Variants in TOR1AIP1 observed in about 807,000 individuals in gnomAD.
TOR1AIP1 encodes the protein torsin 1A interacting protein 1, also known as torsin-1A-interacting protein 1.
A neutral mutation model predicts 63.3 loss-of-function variants in TOR1AIP1; 54 were observed. The ratio of observed to expected loss-of-function variants is 0.85; its 90% CI spans 0.69 to 1.07. The LOEUF is 1.07. Among genes scored for constraint, TOR1AIP1 ranks in the 50% least tolerant of loss-of-function variants. The pLI is 0.00. For missense variants in TOR1AIP1, 736 were observed against 715.0 expected, an observed-to-expected ratio of 1.03 and a Z score of -0.33; for synonymous variants, 294 against 273.5, an observed-to-expected ratio of 1.07 and a Z score of -0.74.
rs1190713344 is a variant in TOR1AIP1 at position 179,917,500 on chromosome 1, G to A, written c.1013G>A (p.Trp338Ter). ...GCATCTTTTGTCAAGAGGAACCGGTGGTGGCTACTTCCTCTGATAGCTGCT... is the reference window on the plus strand; with the variant it reads ...GCATCTTTTGTCAAGAGGAACCGGTAGTGGCTACTTCCTCTGATAGCTGCT... ...QNASFVKRNRWWLLPLIAALA... is the reference protein window; with the variant it reads ...QNASFVKRNR Residue 338 changes from tryptophan to a stop codon, truncating the protein, a stop_gained, in exon 10 of 10, where the codon TGG becomes TAG. Coordinates refer to ENST00000606911, the MANE Select transcript of TOR1AIP1 (RefSeq NM_015602.4). LOFTEE classifies it high-confidence loss of function. 1 of 1,613,612 alleles carries A rather than the reference G, an allele frequency of 6.2e-7. No homozygotes were observed. Among genetic ancestry groups the A allele is most frequent in the Non-Finnish European group, 8.5e-7 (1 of 1,179,966 alleles).
chr1:179,882,394 C>A lies in TOR1AIP1; in HGVS notation c.-109C>A. 8.4e-7 allele frequency: 1 copy of A among 1,186,610 alleles called. No individual in the cohort carries two copies. Among genetic ancestry groups the A allele is most frequent in the Non-Finnish European group, 1.1e-6 (1 of 901,692 alleles). 73.5% of individuals were successfully genotyped at this position (1,186,610 alleles called of 1,614,324 possible). On this transcript the variant is annotated 5_prime_UTR_variant, in exon 1 of 10. Transcript: ENST00000606911. Reference sequence around the variant, plus strand: ...CAGCGACTCGCAACTGCCTCCCTGACCACAGCGGCCACCGCCCAACACCCC... The same window carrying A: ...CAGCGACTCGCAACTGCCTCCCTGAACACAGCGGCCACCGCCCAACACCCC...
chr1:179,913,861 A>C (rs568326611), intron 8 of TOR1AIP1, 137 bp from the exon 9 acceptor site: 1 of 765,962 alleles, frequency 1.3e-6, no homozygotes, highest in Non-Finnish European at 2.1e-6. Context: ...CAGATATTCT[A>C]CTTTTTCTTC....
In TOR1AIP1 at chr1:179,917,810, C is replaced by T. The variant is rs548782601; in HGVS notation, c.1323C>T (p.Ala441=). ...DAYSSFRSVR[A]IRIDGTDKAT... ...ATTCTTCTTTTCGTAGTGTCCGTGCCATCCGGATTGATGGGACAGATAAAG... is the reference window on the plus strand; with the variant it reads ...ATTCTTCTTTTCGTAGTGTCCGTGCTATCCGGATTGATGGGACAGATAAAG... Residue 441 remains alanine (A), a synonymous_variant, in exon 10 of 10, where the codon GCC becomes GCT. Coordinates refer to ENST00000606911, the MANE Select transcript of TOR1AIP1 (RefSeq NM_015602.4). 46 of 1,614,160 alleles carry T rather than the reference C, an allele frequency of 2.8e-5. No homozygotes were observed. Among genetic ancestry groups the T allele is most frequent in the South Asian group, 2.4e-4 (22 of 91,078 alleles).
At chr1:179,900,899 G>A (rs757207150) in intron 4 of TOR1AIP1, among the ~76,000 whole-genome samples, 15 of 152,074 alleles carry the variant, frequency 9.9e-5, no homozygotes, top group Non-Finnish European at 1.8e-4. Context: ...GTGCAGGTGT[G>A]TGTACACTAC....
chr1:179,908,107 A>G (rs1648711840), intron 7 of TOR1AIP1, among the ~76,000 whole-genome samples: 1 of 151,494 alleles, frequency 6.6e-6, no homozygotes, highest in Non-Finnish European at 1.5e-5. Context: ...ACGGTGTTTC[A>G]CTGTGTTAGC....
chr1:179,892,935 C>T (rs977517144), intron 3 of TOR1AIP1, among the ~76,000 whole-genome samples: 1 of 151,878 alleles, frequency 6.6e-6, no homozygotes, highest in Non-Finnish European at 1.5e-5. Context: ...AAGTAATTTT[C>T]TGTGGGTTTA....
At chr1:179,900,486 C>A (rs1242173179) in intron 4 of TOR1AIP1, 1 of 175,286 alleles carries the variant, frequency 5.7e-6, no homozygotes, top group Non-Finnish European at 1.2e-5. Flanking sequence ...TCAAAACTCC[C>A]GTGCTGATCA....
chr1:179,887,016 A>C (rs1647926740), intron 2 of TOR1AIP1, among the ~76,000 whole-genome samples: 1 of 152,202 alleles, frequency 6.6e-6, no homozygotes, highest in Admixed American at 6.5e-5. Flanking sequence ...ATAGACATTC[A>C]GTTTAACTTT....
At chr1:179,890,720 A>G (rs1016067782) in intron 3 of TOR1AIP1, among the ~76,000 whole-genome samples, 14 of 151,970 alleles carry the variant, frequency 9.2e-5, no homozygotes, top group African/African-American at 3.4e-4. Flanking sequence ...TGGAGGCTCA[A>G]CTGAGCCTCC....
intron 1 of TOR1AIP1, chr1:179,883,708 CA>C (rs1027798064): frequency 1.8e-5 from 8 of 456,110 alleles, no homozygotes; most frequent in African/African-American, 1.6e-4. Context: ...ACCTGAAAAA[CA>C]AGACTATTAA....
chr1:179,903,230 C>T (rs1648521034), intron 5 of TOR1AIP1, among the ~76,000 whole-genome samples: 1 of 151,368 alleles, frequency 6.6e-6, no homozygotes, highest in Admixed American at 6.6e-5. Flanking sequence ...CATGACCAGC[C>T]TGGGCAGTAA....
chr1:179,912,052 T>G (rs1481933424), intron 8 of TOR1AIP1, among the ~76,000 whole-genome samples: 1 of 150,552 alleles, frequency 6.6e-6, no homozygotes, highest in African/African-American at 2.4e-5. Flanking sequence ...TTTGAAACGG[T>G]CTTGCTCTGT....
chr1:179,890,070 T>C (rs904212517), intron 3 of TOR1AIP1, among the ~76,000 whole-genome samples: 1 of 152,232 alleles, frequency 6.6e-6, no homozygotes, highest in South Asian at 2.1e-4. Context: ...TGTGATTCTT[T>C]ATGATGATTT....
At chr1:179,907,606 T>C (rs1202248873) in intron 6 of TOR1AIP1, among the ~76,000 whole-genome samples, 3 of 22,982 alleles carry the variant, frequency 1.3e-4, no homozygotes, top group East Asian at 3.3e-3. Flanking sequence ...TATATATATA[T>C]ATATATATAT....
intron 3 of TOR1AIP1, 73 bp downstream of exon 3, chr1:179,889,442 T>C (rs1050627656): frequency 2.3e-6 from 3 of 1,294,734 alleles, no homozygotes; most frequent in East Asian, 2.3e-5. Context: ...GTTGTACATG[T>C]ATTCATATGA....
chr1:179,907,079 C>T (rs1056416177), intron 6 of TOR1AIP1, among the ~76,000 whole-genome samples: 1 of 151,576 alleles, frequency 6.6e-6, no homozygotes, highest in African/African-American at 2.4e-5. Context: ...ATAGCATCTA[C>T]CACATAAGAA....
At chr1:179,889,548 A>G (rs1278592947) in intron 3 of TOR1AIP1, among the ~76,000 whole-genome samples, 179 bp downstream of exon 3, 6 of 152,042 alleles carry the variant, frequency 3.9e-5, no homozygotes, top group South Asian at 2.1e-4. Flanking sequence ...AAAGCAACCA[A>G]TGTTGTCAGT....
intron 3 of TOR1AIP1, among the ~76,000 whole-genome samples, chr1:179,892,768 A>G (rs1648137981): frequency 6.6e-6 from 1 of 151,780 alleles, no homozygotes; most frequent in Admixed American, 6.6e-5. Context: ...TTTAAAAAAG[A>G]GAACTTGGAA....
At chr1:179,901,497 AGTC>A in intron 5 of TOR1AIP1, 109 bp downstream of exon 5, 1 of 531,808 alleles carries the variant, frequency 1.9e-6, no homozygotes, top group Non-Finnish European at 3.1e-6. Context: ...CTTTATAAAA[AGTC>A]GTGAATTTTT....
Sources: allele counts gnomAD v4.1 joint callset (sites outside exome capture counted in the v4.1 genomes callset), GRCh38; gene constraint gnomAD v4.1.1; transcripts MANE v1.5; gene names NCBI Gene and HGNC (gene_info 2026-07-23, HGNC 2026-07-21).